HCRTR2: variants seen among roughly 807,000 people sequenced by gnomAD.
HCRTR2 encodes the protein hypocretin receptor 2.
Under a neutral mutation model 49.0 loss-of-function variants are expected in HCRTR2, and 22 were observed. The observed-to-expected ratio is 0.45, with a 90% CI of 0.32 to 0.64. HCRTR2 has a LOEUF of 0.64. Ranked by LOEUF, HCRTR2 falls within the 30% of genes least tolerant of loss-of-function variation. The pLI is 0.04. For missense variants in HCRTR2, 491 were observed against 559.4 expected (o/e 0.88, Z 1.23); for synonymous variants, 236 against 205.3 (o/e 1.15, Z -1.28).
intron 1 of HCRTR2, among the ~76,000 whole-genome samples, chr6:55,228,450 G>A (rs140244963): frequency 0.013 from 1,974 of 152,250 alleles, 50 homozygotes; most frequent in African/African-American, 0.045. Flanking sequence ...ATATCAAAAT[G>A]TAAGAATGTC....
At chr6:55,162,747 A>C (rs766264844) in intron 1 of HCRTR2, among the ~76,000 whole-genome samples, 1 of 152,210 alleles carries the variant, frequency 6.6e-6, no homozygotes, top group Non-Finnish European at 1.5e-5. Flanking sequence ...AATACCTAGG[A>C]ATACAACTTA....
At chr6:55,113,220 CAA>C (rs981622811) in intron 1 of HCRTR2, among the ~76,000 whole-genome samples, 3 of 151,944 alleles carry the variant, frequency 2.0e-5, no homozygotes, top group African/African-American at 7.2e-5. Flanking sequence ...TTGGCTTAGG[CAA>C]AGACTTCATG....
chr6:55,134,071 C>T (rs1215668658), intron 1 of HCRTR2, among the ~76,000 whole-genome samples: 1 of 151,548 alleles, frequency 6.6e-6, no homozygotes, highest in Non-Finnish European at 1.5e-5. Context: ...TCTTTGATTC[C>T]CCCACTTCTT....
At chr6:55,150,112 AC>A (rs1292657178) in intron 1 of HCRTR2, among the ~76,000 whole-genome samples, 1 of 151,980 alleles carries the variant, frequency 6.6e-6, no homozygotes, top group African/African-American at 2.4e-5. Context: ...TCTGCTGGCA[AC>A]ACATCACATA....
At chr6:55,154,771 CTGTT>C (rs1395415500) in intron 1 of HCRTR2, among the ~76,000 whole-genome samples, 2 of 151,550 alleles carry the variant, frequency 1.3e-5, no homozygotes, top group Admixed American at 6.6e-5. Flanking sequence ...GAAATTACCT[CTGTT>C]TGTAGATGAG....
intron 1 of HCRTR2, among the ~76,000 whole-genome samples, chr6:55,220,081 A>G (rs1234690290): frequency 1.3e-5 from 2 of 152,134 alleles, no homozygotes; most frequent in African/African-American, 4.8e-5. Flanking sequence ...AAATCCCAGG[A>G]TCAGAAAACT....
chr6:55,268,176 A>C (rs2127325150), intron 4 of HCRTR2, among the ~76,000 whole-genome samples: 1 of 152,296 alleles, frequency 6.6e-6, no homozygotes, highest in East Asian at 1.9e-4. Flanking sequence ...TGTAACCACT[A>C]AGAAAATAAT....
intron 4 of HCRTR2, among the ~76,000 whole-genome samples, chr6:55,274,212 T>A (rs982434524): frequency 1.4e-5 from 2 of 140,094 alleles, no homozygotes; most frequent in Non-Finnish European, 3.1e-5. Flanking sequence ...TTCTTTATTA[T>A]CTCTCTGCAA....
At chr6:55,255,665 TC>T (rs1456169981) in intron 3 of HCRTR2, among the ~76,000 whole-genome samples, 2 of 152,206 alleles carry the variant, frequency 1.3e-5, no homozygotes, top group Admixed American at 1.3e-4. Flanking sequence ...TTTTAGTTTT[TC>T]TTAAACTCTT....
chr6:55,174,384 C>G (rs201504442), upstream of HCRTR2: 2 of 608,394 alleles, frequency 3.3e-6, no homozygotes, highest in African/African-American at 1.8e-5. Context: ...GGTGCAACAT[C>G]GCCTGTAAAG....
intron 1 of HCRTR2, among the ~76,000 whole-genome samples, chr6:55,218,593 A>C (rs544488096): frequency 6.6e-6 from 1 of 152,328 alleles, no homozygotes; most frequent in Admixed American, 6.5e-5. Flanking sequence ...TGGTAACCAG[A>C]TGAGAGCAGG....
intron 4 of HCRTR2, among the ~76,000 whole-genome samples, chr6:55,272,831 A>G (rs1446834711): frequency 6.6e-6 from 1 of 150,544 alleles, no homozygotes; most frequent in Non-Finnish European, 1.5e-5. Flanking sequence ...CAAGTCCCAG[A>G]GAGCAGAGGG....
chr6:55,248,845 C>G (rs1258606561), intron 2 of HCRTR2, 28 bp downstream of exon 2: 3 of 1,591,238 alleles, frequency 1.9e-6, no homozygotes, highest in Non-Finnish European at 1.7e-6. Flanking sequence ...TTTTTTGAAG[C>G]TACTAAAAAG....
At chr6:55,116,795 A>T (rs966420983) in intron 1 of HCRTR2, among the ~76,000 whole-genome samples, 1 of 151,528 alleles carries the variant, frequency 6.6e-6, no homozygotes, top group Non-Finnish European at 1.5e-5. Flanking sequence ...AGGTACTAAC[A>T]GTCTAATGAT....
intron 1 of HCRTR2, among the ~76,000 whole-genome samples, chr6:55,218,798 T>C (rs1160994010): frequency 6.6e-6 from 1 of 152,128 alleles, no homozygotes; most frequent in Non-Finnish European, 1.5e-5. Flanking sequence ...AAGACAGCAA[T>C]ACAACAATAG....
At chr6:55,187,500 A>G (rs1765240528) in intron 1 of HCRTR2, among the ~76,000 whole-genome samples, 1 of 151,226 alleles carries the variant, frequency 6.6e-6, no homozygotes, top group African/African-American at 2.4e-5. Flanking sequence ...CAGATCCTGG[A>G]ACAACTGAAC....
intron 1 of HCRTR2, among the ~76,000 whole-genome samples, chr6:55,216,376 G>A (rs114855428): frequency 0.011 from 1,665 of 152,130 alleles, 27 homozygotes; most frequent in African/African-American, 0.038. Flanking sequence ...TCTAAAATAC[G>A]AAGTCAAGAG....
chr6:55,269,750 G>C (rs1581869013), intron 4 of HCRTR2, among the ~76,000 whole-genome samples: 1 of 152,096 alleles, frequency 6.6e-6, no homozygotes, highest in African/African-American at 2.4e-5. Context: ...CATGAGGCCA[G>C]GAGATCAAGA....
At chr6:55,170,835 TG>T (rs2127267125), upstream of HCRTR2, among the ~76,000 whole-genome samples, 1 of 151,058 alleles carries the variant, frequency 6.6e-6, no homozygotes, top group South Asian at 2.1e-4. Context: ...ATACGGTGTT[TG>T]GTTTTTTGTC....
Sources: gnomAD v4.1 joint callset for allele counts (sites outside exome capture counted in the v4.1 genomes callset) on GRCh38, gnomAD v4.1.1 for gene constraint, MANE v1.5 for transcripts, NCBI Gene and HGNC (gene_info 2026-07-23, HGNC 2026-07-21) for gene names.